The following OTOP3 variants were observed in gnomAD, a reference collection of about 807,000 sequenced individuals.
OTOP3 encodes the protein otopetrin 3, also known as proton channel OTOP3.
A neutral mutation model predicts 50.8 loss-of-function variants in OTOP3; 41 were observed. The observed-to-expected ratio is 0.81, with a 90% confidence interval of 0.63 to 1.05. The LOEUF is 1.05. OTOP3 is among the 50% of genes least tolerant of loss of function. OTOP3 has a pLI of 0.00. For missense variants in OTOP3, 788 were observed against 760.8 expected (o/e 1.04, Z -0.42); for synonymous variants, 320 against 324.4 (o/e 0.99, Z 0.14).
Position 74,941,465 on chromosome 17 carries a change from G to C in OTOP3, c.92G>C (p.Arg31Pro), listed in dbSNP as rs761263942. 1 of 1,605,082 alleles carries C rather than the reference G, an allele frequency of 6.2e-7. No homozygotes were observed. Among genetic ancestry groups the C allele is most frequent in the Non-Finnish European group, 8.5e-7 (1 of 1,175,070 alleles). Residue 31 changes from arginine (R) to proline (P), a missense_variant, in exon 2 of 7, where the codon CGA becomes CCA. Physicochemically the swap from Arg to Pro is moderately radical, Grantham distance 103. Transcript: ENST00000328801. ...GAAGCAGCCCCGGAGAAGGAGAACCGAGTGGATGTGGGGGCCGAGGAGAGA... is the reference window on the plus strand; with the variant it reads ...GAAGCAGCCCCGGAGAAGGAGAACCCAGTGGATGTGGGGGCCGAGGAGAGA... Reference protein sequence around the residue: ...ETEAAPEKENRVDVGAEERAA... With the variant: ...ETEAAPEKENPVDVGAEERAA...
rs367716128 is a variant in OTOP3 at position 74,947,030 on chromosome 17, C to A, written c.1121C>A (p.Ala374Glu). 50 of 1,613,788 alleles carry A rather than the reference C, an allele frequency of 3.1e-5. No homozygotes were observed. Among genetic ancestry groups the A allele is most frequent in the Non-Finnish European group, 4.1e-5 (48 of 1,180,052 alleles). The change falls in exon 6 of 7, where the codon GCG (alanine) becomes GAG (glutamate). Residue 374 changes from alanine (A) to glutamate (E), a missense_variant. Ala to Glu is a moderately radical substitution (Grantham distance 107). Coordinates refer to ENST00000328801, the MANE Select transcript of OTOP3 (RefSeq NM_001272005.2). ...CCCACCATGAGTCTGGCGTGCCTGG[C>A]GGGCACAGCCATACACGGGCTGGAG... ...VLPTMSLACL[A>E]GTAIHGLEER... is the part of the protein sequence containing the mutation.
In OTOP3 at chr17:74,946,734, C is replaced by G. The variant is rs769636859; in HGVS notation, c.825C>G (p.Leu275=). The G allele has an allele frequency of 6.2e-7, 1 of 1,613,322 alleles. No homozygotes were observed. The highest frequency in any genetic ancestry group is 8.5e-7 in the Non-Finnish European group (1 of 1,180,016). Reference sequence around the variant, plus strand: ...CTTTCCGGAGAGGCTTCCTGATGCTCTACCCCTTCAGCACTGAGTACTGCC... The same window carrying G: ...CTTTCCGGAGAGGCTTCCTGATGCTGTACCCCTTCAGCACTGAGTACTGCC... ...CEAFRRGFLM[L]YPFSTEYCLI... The change falls in exon 6 of 7, where the codon CTC becomes CTG. Residue 275 remains leucine (L), a synonymous_variant. Transcript: ENST00000328801.
intron 1 of OTOP3, among the ~76,000 whole-genome samples, chr17:74,939,737 G>A (rs887565323): frequency 1.3e-5 from 2 of 152,074 alleles, no homozygotes; most frequent in African/African-American, 4.8e-5. Flanking sequence ...TGGGACTTCC[G>A]GGAGTGGGGG....
intron 1 of OTOP3, among the ~76,000 whole-genome samples, chr17:74,939,830 T>C (rs916264770): frequency 1.3e-5 from 2 of 152,176 alleles, no homozygotes; most frequent in African/African-American, 2.4e-5. Flanking sequence ...TCCAGGCCTG[T>C]CCCATGCTCT....
rs771130336 is a variant in OTOP3, at chr17:74,941,976, G to T, written c.512G>T (p.Arg171Leu). The change falls in exon 3 of 7, where the codon CGC becomes CTC. Residue 171 changes from arginine to leucine, a missense_variant. Transcript: ENST00000328801. ...GTGGGCTACGATGTGAGCCACATCC[G>T]CTGCAAGTCACAGCTGGACCTTGTC... ...FRVGYDVSHI[R>L]CKSQLDLVFS... The T allele has an allele frequency of 2.5e-6, 4 of 1,613,600 alleles. No homozygotes were observed. The highest frequency in any genetic ancestry group is 1.1e-5 in the South Asian group (1 of 91,026).
At chr17:74,948,259 C>T (rs1405674169) in intron 6 of OTOP3, among the ~76,000 whole-genome samples, 2 of 152,188 alleles carry the variant, frequency 1.3e-5, no homozygotes, top group African/African-American at 2.4e-5. Flanking sequence ...CACAGTGGCT[C>T]ACACCTGTAA....
chr17:74,946,693 G>A lies in OTOP3; in HGVS notation c.784G>A (p.Ala262Thr). Residue 262 changes from alanine to threonine, a missense_variant, in exon 6 of 7, where the codon GCC becomes ACC. Transcript: ENST00000328801. Reference sequence around the variant, plus strand: ...GACCAACACCTGTCTGTGCCTCAATGCCACCGCGTGTGAAGCTTTCCGGAG... The same window carrying A: ...GACCAACACCTGTCTGTGCCTCAATACCACCGCGTGTGAAGCTTTCCGGAG... ...NETNTCLCLN[A>T]TACEAFRRGF... 1.2e-6 allele frequency: 2 copies of A among 1,612,088 alleles called. No individual in the cohort carries two copies. The highest frequency in any genetic ancestry group is 1.7e-6 in the Non-Finnish European group (2 of 1,179,410).
chr17:74,947,381 C>A lies in OTOP3; in HGVS notation c.1472C>A (p.Ala491Asp). Residue 491 changes from alanine (A) to aspartate (D), a missense_variant, in exon 6 of 7, where the codon GCC becomes GAC. Ala to Asp is a moderately radical substitution (Grantham distance 126, BLOSUM62 -2). Coordinates refer to ENST00000328801, the MANE Select transcript of OTOP3 (RefSeq NM_001272005.2). ...GAGCTGGGCCAGGGCCTGCAGCGGG[C>A]CTCACTGGCCTACATCCACTCCTAC... is the stretch of plus-strand genomic sequence containing the variant. ...LLELGQGLQRASLAYIHSYSH... is the reference protein window; with the variant it reads ...LLELGQGLQRDSLAYIHSYSH... 1 of 1,613,102 alleles carries A rather than the reference C, an allele frequency of 6.2e-7. No homozygotes were observed.
chr17:74,940,852 A>G (rs1426789969), intron 1 of OTOP3, among the ~76,000 whole-genome samples: 5 of 152,166 alleles, frequency 3.3e-5, no homozygotes, highest in Non-Finnish European at 5.9e-5. Context: ...ATAATACAGT[A>G]TTGTTTCAGA....
chr17:74,935,877 CG>C, upstream of OTOP3: 1 of 1,547,564 alleles, frequency 6.5e-7, no homozygotes, highest in Non-Finnish European at 8.7e-7. Flanking sequence ...CTCACCTGGA[CG>C]GACGATCCGC....
Position 74,947,028 on chromosome 17 carries a change from G to GGCGGGAACA in OTOP3, c.1124_1125insAACAGCGGG (p.Gly375_Ala377dup). The GGCGGGAACA allele has an allele frequency of 1.2e-6, 2 of 1,613,966 alleles. No homozygotes were observed. Among genetic ancestry groups the GGCGGGAACA allele is most frequent in the Admixed American group, 3.3e-5 (2 of 60,032 alleles). Reference sequence around the variant, plus strand: ...TGCCCACCATGAGTCTGGCGTGCCTGGCGGGCACAGCCATACACGGGCTGG... The same window carrying GGCGGGAACA: ...TGCCCACCATGAGTCTGGCGTGCCTGGCGGGAACAGCGGGCACAGCCATACACGGGCTGG... On this transcript the variant is annotated inframe_insertion, in exon 6 of 7. Coordinates refer to ENST00000328801, the MANE Select transcript of OTOP3 (RefSeq NM_001272005.2).
intron 5 of OTOP3, among the ~76,000 whole-genome samples, chr17:74,944,228 T>C (rs2144785493): frequency 1.3e-5 from 2 of 152,294 alleles, no homozygotes; most frequent in Middle Eastern, 3.4e-3. Flanking sequence ...ATGGGAACAC[T>C]GCTCTGTGGG....
At chr17:74,943,795 T>A in intron 5 of OTOP3, 71 bp downstream of exon 5, 1 of 998,736 alleles carries the variant, frequency 1.0e-6, no homozygotes, top group Non-Finnish European at 1.5e-6. Flanking sequence ...CACACACACA[T>A]AAACGCTACA....
intron 6 of OTOP3, among the ~76,000 whole-genome samples, chr17:74,947,844 A>G (rs961189572): frequency 6.6e-6 from 1 of 152,252 alleles, no homozygotes; most frequent in Admixed American, 6.5e-5. Context: ...CGGAAGTCCC[A>G]GGTACACCTT....
intron 6 of OTOP3, 99 bp from the exon 7 acceptor site, chr17:74,949,147 G>A (rs547240866): frequency 1.4e-4 from 166 of 1,224,974 alleles, no homozygotes; most frequent in Non-Finnish European, 1.8e-4. Flanking sequence ...GGTGGGGGTG[G>A]CACTGGAGGG....
In OTOP3 at chr17:74,947,156, T is replaced by A. The variant is rs769281234; in HGVS notation, c.1247T>A (p.Ile416Asn). The change falls in exon 6 of 7, where the codon ATC becomes AAC. Residue 416 changes from isoleucine to asparagine, a missense_variant. By Grantham distance (149) the Ile-to-Asn change is moderately radical. Coordinates refer to ENST00000328801, the MANE Select transcript of OTOP3 (RefSeq NM_001272005.2). Reference sequence around the variant, plus strand: ...CAGATGGGCATCGCCTATTTCTCCATCGTGGCCATTGTGGCCAAGCGCCCG... The same window carrying A: ...CAGATGGGCATCGCCTATTTCTCCAACGTGGCCATTGTGGCCAAGCGCCCG... ...LGQMGIAYFS[I>N]VAIVAKRPHE... is the part of the protein sequence containing the mutation. 6 of 1,613,950 alleles carry A rather than the reference T, an allele frequency of 3.7e-6. No individual in the cohort carries two copies. Among genetic ancestry groups the A allele is most frequent in the Non-Finnish European group, 5.1e-6 (6 of 1,180,038 alleles).
rs1567952357 is a variant in OTOP3, at chr17:74,946,860, C to T, written c.951C>T (p.His317=). The T allele has an allele frequency of 6.2e-7, 1 of 1,610,812 alleles. No individual in the cohort carries two copies. Among genetic ancestry groups the T allele is most frequent in the South Asian group, 1.1e-5 (1 of 91,084 alleles). ...AHPATAPFHL[H]GAIFGPLLGL... is the part of the protein sequence containing the mutation. ...CTGCCACCGCACCCTTCCACCTGCA[C>T]GGGGCCATCTTCGGGCCGCTGCTGG... The change falls in exon 6 of 7, where the codon CAC becomes CAT. Residue 317 remains histidine, a synonymous_variant. Transcript: ENST00000328801.
chr17:74,947,747 G>A (rs1021987143), intron 6 of OTOP3, among the ~76,000 whole-genome samples: 13 of 152,208 alleles, frequency 8.5e-5, no homozygotes, highest in Non-Finnish European at 1.6e-4. Flanking sequence ...TCATCCCTGG[G>A]TTCAGTCAAA....
In OTOP3 at chr17:74,949,497, C is replaced by A; in HGVS notation, c.*81C>A. 6.6e-7 allele frequency: 1 copy of A among 1,508,430 alleles called. No homozygotes were observed. Among genetic ancestry groups the A allele is most frequent in the South Asian group, 1.2e-5 (1 of 81,748 alleles). 93.4% of individuals were successfully genotyped at this position (1,508,430 alleles called of 1,614,324 possible). ...AGAGTCTCTGAGCAGATGCCTCATT[C>A]TGAGGTGCCGAGACCAGCCTGAGGC... is the stretch of plus-strand genomic sequence containing the variant. On this transcript the variant is annotated 3_prime_UTR_variant, in exon 7 of 7. Transcript: ENST00000328801.
Sources: gnomAD v4.1 joint callset for allele counts (sites outside exome capture counted in the v4.1 genomes callset) on GRCh38, gnomAD v4.1.1 for gene constraint, MANE v1.5 for transcripts, NCBI Gene and HGNC (gene_info 2026-07-23, HGNC 2026-07-21) for gene names.